Variants in CSMD3 observed in about 807,000 individuals in gnomAD.
CSMD3 encodes the protein CUB and Sushi multiple domains 3, also known as CUB and sushi domain-containing protein 3.
Under a neutral mutation model 435.2 loss-of-function variants are expected in CSMD3, and 177 were observed. The observed-to-expected ratio is 0.41, with a 90% CI of 0.36 to 0.46. The LOEUF is 0.46. Ranked by LOEUF, CSMD3 falls within the 20% of genes least tolerant of loss-of-function variation. The probability of loss-of-function intolerance (pLI) is 0.34; values close to 1 mark genes in which losing one functional copy is unlikely to be tolerated. For synonymous variants in CSMD3, 1,656 were observed against 1,520.5 expected (o/e 1.09, Z -2.07); for missense variants, 4,265 against 4,504.6 (o/e 0.95, Z 1.52).
At chr8:112,448,616 T>G (rs561587951) in intron 32 of CSMD3, among the ~76,000 whole-genome samples, 1 of 152,270 alleles carries the variant, frequency 6.6e-6, no homozygotes, top group African/African-American at 2.4e-5. Flanking sequence ...GTCCAGATGA[T>G]ACATTGATTT....
intron 13 of CSMD3, among the ~76,000 whole-genome samples, chr8:112,699,505 T>C (rs2076339396): frequency 1.3e-5 from 2 of 152,094 alleles, no homozygotes; most frequent in Admixed American, 6.6e-5. Context: ...ACCATCACAG[T>C]GGTTGTGGAT....
chr8:112,419,399 C>A (rs1339166576), intron 32 of CSMD3, among the ~76,000 whole-genome samples: 2 of 152,044 alleles, frequency 1.3e-5, no homozygotes, highest in African/African-American at 4.8e-5. Flanking sequence ...ATATGTATTG[C>A]TATTTTGTAG....
chr8:112,650,216 C>G lies in CSMD3; in HGVS notation c.3138G>C (p.Glu1046Asp), dbSNP rs375909130. ...CDSGYRLSHE[E>D]PLLCEKNHWW... ...AGTGGTTTTTTTCGCATAGAAGGGGCTCTTCATGACTCAACCTGTATCCTG... is the reference window on the plus strand; with the variant it reads ...AGTGGTTTTTTTCGCATAGAAGGGGGTCTTCATGACTCAACCTGTATCCTG... The change falls in exon 19 of 71, where the codon GAG (glutamate) becomes GAC (aspartate). Residue 1046 changes from glutamate to aspartate, a missense_variant. By Grantham distance (45) the Glu-to-Asp change is conservative. Coordinates refer to ENST00000297405, the MANE Select transcript of CSMD3 (RefSeq NM_198123.2). 3.7e-6 allele frequency: 6 copies of G among 1,613,796 alleles called. No homozygotes were observed. Among genetic ancestry groups the G allele is most frequent in the African/African-American group, 2.7e-5 (2 of 74,908 alleles).
chr8:113,039,206 T>C (rs1459215051), intron 5 of CSMD3, among the ~76,000 whole-genome samples: 1 of 152,132 alleles, frequency 6.6e-6, no homozygotes, highest in African/African-American at 2.4e-5. Flanking sequence ...AACCATGTTG[T>C]ATTTGCATTT....
At chr8:112,322,153 C>A (rs1166619420) in intron 45 of CSMD3, among the ~76,000 whole-genome samples, 1 of 151,972 alleles carries the variant, frequency 6.6e-6, no homozygotes, top group Admixed American at 6.6e-5. Context: ...TTGTGTTTTT[C>A]TGTGAAGTTA....
chr8:112,448,350 C>T (rs931762142), intron 32 of CSMD3, among the ~76,000 whole-genome samples: 1 of 152,146 alleles, frequency 6.6e-6, no homozygotes, highest in African/African-American at 2.4e-5. Context: ...AGAGCTTCCA[C>T]ATATGAAACT....
intron 1 of CSMD3, among the ~76,000 whole-genome samples, chr8:113,375,630 G>C (rs915655982): frequency 6.6e-6 from 1 of 152,076 alleles, no homozygotes. Flanking sequence ...ATGAAGCTAA[G>C]AGGGACCGTT....
At chr8:112,870,060 G>A (rs2130026615) in intron 10 of CSMD3, among the ~76,000 whole-genome samples, 1 of 151,978 alleles carries the variant, frequency 6.6e-6, no homozygotes, top group South Asian at 2.1e-4. Context: ...AATTTGTTTA[G>A]AAAAATATTA....
intron 10 of CSMD3, among the ~76,000 whole-genome samples, chr8:112,902,749 C>T (rs932062562): frequency 6.0e-5 from 9 of 151,192 alleles, no homozygotes; most frequent in South Asian, 4.2e-4. Context: ...GTGAAAACTA[C>T]GGATTTAATA....
chr8:112,316,085 T>C (rs1270538443), intron 47 of CSMD3, among the ~76,000 whole-genome samples: 2 of 151,860 alleles, frequency 1.3e-5, no homozygotes, highest in African/African-American at 2.4e-5. Context: ...GATTTCTCTA[T>C]AAACATGTTA....
chr8:113,251,620 A>C (rs952112397), intron 3 of CSMD3, among the ~76,000 whole-genome samples: 1 of 152,058 alleles, frequency 6.6e-6, no homozygotes, highest in African/African-American at 2.4e-5. Flanking sequence ...CCATTATCTA[A>C]ATACTAGTTT....
chr8:112,499,641 AATTTT>A (rs1198110298), intron 30 of CSMD3, among the ~76,000 whole-genome samples: 2 of 152,128 alleles, frequency 1.3e-5, no homozygotes. Context: ...TATAGATTTA[AATTTT>A]ATTTTGATAG....
intron 4 of CSMD3, among the ~76,000 whole-genome samples, chr8:113,117,796 G>A (rs1203367101): frequency 6.6e-6 from 1 of 152,242 alleles, no homozygotes; most frequent in Non-Finnish European, 1.5e-5. Context: ...TCATCCTGGA[G>A]CTTTAAAATT....
chr8:112,454,895 A>C (rs559042859), intron 32 of CSMD3, among the ~76,000 whole-genome samples: 1 of 152,114 alleles, frequency 6.6e-6, no homozygotes, highest in Admixed American at 6.6e-5. Flanking sequence ...AATATTTAAA[A>C]TGACCACGAC....
chr8:112,883,842 C>CT (rs1229308862), intron 10 of CSMD3, among the ~76,000 whole-genome samples: 4 of 145,750 alleles, frequency 2.7e-5, no homozygotes, highest in Non-Finnish European at 4.5e-5. Flanking sequence ...CCAATTGTCA[C>CT]TTTTTTTGTA....
intron 61 of CSMD3, among the ~76,000 whole-genome samples, chr8:112,261,513 C>T (rs904166949): frequency 4.6e-5 from 7 of 151,536 alleles, no homozygotes; most frequent in South Asian, 4.2e-4. Context: ...TTTACATTCA[C>T]GTGTATGCAT....
rs186616166 is a variant in CSMD3 at position 113,406,961 on chromosome 8, C to T, written c.178+29716G>A. ...GTCTCTGATGTAACACAATACTCTT[C>T]TTGGTTGGTAGTGGCATTAAACATA... On this transcript the variant is annotated intron_variant, in intron 1 of 70. Transcript: ENST00000297405. 2.8e-3 allele frequency among the ~76,000 whole-genome samples: 428 copies of T among 152,132 alleles called. 2 individuals are homozygous for T. Among genetic ancestry groups the T allele is most frequent in the African/African-American group, 9.8e-3 (408 of 41,526 alleles).
intron 13 of CSMD3, among the ~76,000 whole-genome samples, chr8:112,708,357 G>T (rs1026416327): frequency 2.0e-5 from 3 of 152,010 alleles, no homozygotes; most frequent in African/African-American, 7.2e-5. Context: ...AGTTAATTGT[G>T]TAAGATTGGA....
intron 30 of CSMD3, among the ~76,000 whole-genome samples, chr8:112,493,123 AAAGGAGCCCT>A (rs1391184965): frequency 6.6e-6 from 1 of 152,170 alleles, no homozygotes; most frequent in East Asian, 1.9e-4. Flanking sequence ...CTCAAAGTAC[AAAGGAGCCCT>A]TGTGCATATC....
Sources: gnomAD v4.1 joint callset for allele counts (sites outside exome capture counted in the v4.1 genomes callset) on GRCh38, gnomAD v4.1.1 for gene constraint, MANE v1.5 for transcripts, NCBI Gene and HGNC (gene_info 2026-07-23, HGNC 2026-07-21) for gene names.